ANXA2: variants seen among roughly 807,000 people sequenced by gnomAD.
ANXA2 encodes the protein annexin A2, also known as annexin II.
Under a neutral mutation model 47.3 loss-of-function variants are expected in ANXA2, and 28 were observed. That is an observed-to-expected ratio of 0.59 (90% CI 0.44 to 0.81). ANXA2 has a LOEUF of 0.81. ANXA2 is among the 40% of genes least tolerant of loss of function. The pLI is 0.00. For missense variants in ANXA2, 384 were observed against 414.3 expected, an observed-to-expected ratio of 0.93 and a Z score of 0.64; for synonymous variants, 172 against 155.5, an observed-to-expected ratio of 1.11 and a Z score of -0.79.
At chr15:60,349,830 G>C (rs1036910861) in intron 11 of ANXA2, among the ~76,000 whole-genome samples, 12 of 135,014 alleles carry the variant, frequency 8.9e-5, no homozygotes, top group African/African-American at 1.2e-4. Context: ...GAAAGGGAGG[G>C]AGGGGAAGGA....
chr15:60,390,547 T>G (rs1350042252), intron 1 of ANXA2: 1 of 458,162 alleles, frequency 2.2e-6, no homozygotes, highest in African/African-American at 2.0e-5. Context: ...CGGGTAAAAT[T>G]ACAAAGGAGG....
intron 3 of ANXA2, among the ~76,000 whole-genome samples, chr15:60,381,500 G>T (rs1270162067): frequency 6.6e-6 from 1 of 152,148 alleles, no homozygotes; most frequent in Non-Finnish European, 1.5e-5. Flanking sequence ...ATCCTATTTT[G>T]TAGACCCAGA....
At position 60,352,108 on chromosome 15, in the gene ANXA2, C is replaced by T. The variant is rs889737770; in HGVS notation, c.682+275G>A. ...GAAAACCATAGGAAACAGTACAGAG[C>T]ATGCACCAAAGTCCACTACTTCAAC... On this transcript the variant is annotated intron_variant, in intron 9 of 12. Transcript: ENST00000451270. The surrounding 1 kb of genome is among the most constrained non-coding windows in gnomAD (Gnocchi z 4.2). Among the ~76,000 whole-genome samples, 4 of 152,164 alleles carry T rather than the reference C, an allele frequency of 2.6e-5. No homozygotes were observed. The highest frequency in any genetic ancestry group is 5.9e-5 in the Non-Finnish European group (4 of 68,040).
chr15:60,364,164 C>T (rs2062557778), intron 4 of ANXA2, among the ~76,000 whole-genome samples: 1 of 152,214 alleles, frequency 6.6e-6, no homozygotes, highest in African/African-American at 2.4e-5. Flanking sequence ...GCGAACCCTA[C>T]TGTGAACTGC....
At chr15:60,367,257 G>A (rs2062634987) in intron 3 of ANXA2, among the ~76,000 whole-genome samples, 1 of 130,562 alleles carries the variant, frequency 7.7e-6, no homozygotes, top group Admixed American at 7.2e-5. Context: ...GCCCCGTCCG[G>A]GAGGGAGGTG....
chr15:60,374,415 G>C, intron 3 of ANXA2: 1 of 455,122 alleles, frequency 2.2e-6, no homozygotes, highest in South Asian at 1.6e-5. Flanking sequence ...AATGTGAACA[G>C]ATGCGAGAGA....
At chr15:60,380,890 A>G (rs1401338871) in intron 3 of ANXA2, among the ~76,000 whole-genome samples, 1 of 151,168 alleles carries the variant, frequency 6.6e-6, no homozygotes, top group Non-Finnish European at 1.5e-5. Context: ...GCAGACAGTC[A>G]TCTGGGGGGT....
At chr15:60,396,870 A>G (rs1030268538) in intron 1 of ANXA2, among the ~76,000 whole-genome samples, 1 of 152,234 alleles carries the variant, frequency 6.6e-6, no homozygotes, top group Admixed American at 6.5e-5. Flanking sequence ...ACACGCACTC[A>G]GAACACCCAC....
At chr15:60,360,430 ACAGGTACGATT>A (rs914629868) in intron 5 of ANXA2, among the ~76,000 whole-genome samples, 1 of 152,190 alleles carries the variant, frequency 6.6e-6, no homozygotes, top group African/African-American at 2.4e-5. Context: ...TTACTTTCTC[ACAGGTACGATT>A]CAGGTACGAT....
chr15:60,347,722 T>A (rs750167449), intron 12 of ANXA2, 33 bp from the exon 13 acceptor site: 1 of 1,606,776 alleles, frequency 6.2e-7, no homozygotes, highest in African/African-American at 1.3e-5. Context: ...AGAAACGTGG[T>A]ATCAGAAAAA....
intron 3 of ANXA2, among the ~76,000 whole-genome samples, chr15:60,377,114 T>A (rs2062790638): frequency 6.6e-6 from 1 of 152,228 alleles, no homozygotes; most frequent in African/African-American, 2.4e-5. Flanking sequence ...CTCTTCCCGA[T>A]GAAGGGTTAG....
intron 4 of ANXA2, among the ~76,000 whole-genome samples, chr15:60,362,380 C>CTT (rs1444374754): frequency 6.6e-6 from 1 of 152,212 alleles, no homozygotes; most frequent in Non-Finnish European, 1.5e-5. Flanking sequence ...CAGCACAGAG[C>CTT]TTTGCATTTA....
intron 1 of ANXA2, 95 bp downstream of exon 1, chr15:60,397,848 G>C (rs1411559327): frequency 2.9e-6 from 4 of 1,386,126 alleles, no homozygotes; most frequent in Non-Finnish European, 2.8e-6. Flanking sequence ...GCCAGTTGCC[G>C]GGGCCTCCCT....
intron 4 of ANXA2, among the ~76,000 whole-genome samples, chr15:60,363,975 GTTA>G (rs1296417594): frequency 1.3e-5 from 2 of 152,178 alleles, no homozygotes; most frequent in Non-Finnish European, 2.9e-5. Flanking sequence ...GCCTGTTGTT[GTTA>G]TTGTTGTTGT....
At chr15:60,394,678 G>A (rs1399078427) in intron 1 of ANXA2, 3 of 149,110 alleles carry the variant, frequency 2.0e-5, no homozygotes, top group Non-Finnish European at 4.4e-5. Context: ...CAGGCTGGGT[G>A]ACAGAGCCAG....
rs1463751759 is a variant in ANXA2 at position 60,360,922 on chromosome 15, A to G, written c.357+19T>C. On this transcript the variant is annotated intron_variant, in intron 5 of 12. Transcript: ENST00000451270. ...ATTAATAGCAGATTTGACAGAGATG[A>G]CATCTCACATGCATTTACCTTCATG... The G allele has an allele frequency of 4.9e-6, 7 of 1,439,994 alleles. No homozygotes were observed. Among genetic ancestry groups the G allele is most frequent in the Non-Finnish European group, 6.8e-6 (7 of 1,022,336 alleles). The allele number at this position is 1,439,994 out of a possible 1,614,324, so 89.2% of individuals were successfully genotyped here.
Position 60,347,375 on chromosome 15 carries a change from G to A in ANXA2, c.*255C>T. 7.1e-6 allele frequency: 4 copies of A among 565,698 alleles called. No homozygotes were observed. The highest frequency in any genetic ancestry group is 1.3e-5 in the Non-Finnish European group (4 of 315,478). 35.0% of individuals were successfully genotyped at this position (565,698 alleles called of 1,614,324 possible). On this transcript the variant is annotated 3_prime_UTR_variant, in exon 13 of 13. Transcript: ENST00000451270. ...AGTTTATTCATCTGTTTATGACACA[G>A]TACACAGGAGGCAAAGTGTTTCACA...
In ANXA2 at chr15:60,382,337, C is replaced by A; in HGVS notation, c.148+5G>T. ...TGACAAGAAGAGGACAAATGTATCA[C>A]CTACCTTTGGTCTTGATGGCTGTTT... is the stretch of plus-strand genomic sequence containing the variant. On this transcript the variant is annotated splice_donor_5th_base_variant and intron_variant, in intron 3 of 12. Transcript: ENST00000451270. 1.2e-6 allele frequency: 2 copies of A among 1,607,346 alleles called. No individual in the cohort carries two copies. The highest frequency in any genetic ancestry group is 1.1e-5 in the South Asian group (1 of 90,904).
At chr15:60,379,281 A>C (rs1400296607) in intron 3 of ANXA2, among the ~76,000 whole-genome samples, 1 of 152,170 alleles carries the variant, frequency 6.6e-6, no homozygotes, top group Non-Finnish European at 1.5e-5. Context: ...CCATCTCAAA[A>C]AAATAAATGA....
Sources: allele counts gnomAD v4.1 joint callset (sites outside exome capture counted in the v4.1 genomes callset), GRCh38; gene constraint gnomAD v4.1.1; non-coding constraint Gnocchi (gnomAD v3.1); transcripts MANE v1.5; gene names NCBI Gene and HGNC (gene_info 2026-07-23, HGNC 2026-07-21).